Variants in PGM5 observed in about 807,000 individuals in gnomAD.
The protein encoded by PGM5 is phosphoglucomutase-like protein 5.
A neutral mutation model predicts 59.2 loss-of-function variants in PGM5; 23 were observed. That is an observed-to-expected ratio of 0.39 (90% CI 0.28 to 0.55). PGM5 has a LOEUF of 0.55. Among genes scored for constraint, PGM5 ranks in the 20% least tolerant of loss-of-function variants. The pLI, the probability that PGM5 is intolerant of heterozygous loss-of-function variation, is 0.66. For missense variants in PGM5, 574 were observed against 748.3 expected (o/e 0.77, Z 2.72); for synonymous variants, 214 against 286.0 (o/e 0.75, Z 2.54).
At chr9:68,465,919 G>C (rs1464372433) in intron 7 of PGM5, among the ~76,000 whole-genome samples, 1 of 152,062 alleles carries the variant, frequency 6.6e-6, no homozygotes, top group Non-Finnish European at 1.5e-5. Context: ...AGGGGTGTAT[G>C]CATGTATGTA....
chr9:68,456,376 T>C (rs1823776387), intron 6 of PGM5, among the ~76,000 whole-genome samples: 2 of 151,824 alleles, frequency 1.3e-5, no homozygotes, highest in Admixed American at 6.6e-5. Flanking sequence ...AGTGGCGAGA[T>C]CTTGGCTCAC....
intron 6 of PGM5, among the ~76,000 whole-genome samples, chr9:68,413,688 A>T (rs1217431158): frequency 6.6e-6 from 1 of 152,232 alleles, no homozygotes; most frequent in Non-Finnish European, 1.5e-5. Context: ...CACTGCTAAT[A>T]AAATGTGAAG....
chr9:68,410,765 G>A lies in PGM5; in HGVS notation c.1043+18292G>A, dbSNP rs139126328. Reference sequence around the variant, plus strand: ...ATATAGCCACAAAGATTGGGAACAAGGTTTTTGGGAAGCAATGTGGCTCTC... The same window carrying A: ...ATATAGCCACAAAGATTGGGAACAAAGTTTTTGGGAAGCAATGTGGCTCTC... On this transcript the variant is annotated intron_variant, in intron 6 of 10. Transcript: ENST00000396396. Among the ~76,000 whole-genome samples, 19 of 152,284 alleles carry A rather than the reference G, an allele frequency of 1.2e-4. No individual in the cohort carries two copies. The East Asian group carries it at 3.5e-3, about 28-fold the overall frequency.
intron 6 of PGM5, chr9:68,396,831 G>C (rs1822517968): frequency 6.6e-6 from 1 of 152,124 alleles, no homozygotes; most frequent in Non-Finnish European, 1.5e-5. Flanking sequence ...AAAATTATAG[G>C]AATGTGCCCA....
rs782044068 is a variant in PGM5, at chr9:68,465,088, T to C, written c.1044-5T>C. ...AATTGACTTTTCTCAAATTTCATTTTTCAGAGTGGCCAAATCAATGAAGGT... is the reference window on the plus strand; with the variant it reads ...AATTGACTTTTCTCAAATTTCATTTCTCAGAGTGGCCAAATCAATGAAGGT... On this transcript the variant is annotated splice_polypyrimidine_tract_variant and splice_region_variant and intron_variant, in intron 6 of 10. Coordinates refer to ENST00000396396, the MANE Select transcript of PGM5 (RefSeq NM_021965.4). 9 of 1,572,376 alleles carry C rather than the reference T, an allele frequency of 5.7e-6. No individual in the cohort carries two copies. The East Asian group carries it at 2.0e-4, about 35-fold the overall frequency.
At chr9:68,468,183 A>G (rs557928791) in intron 7 of PGM5, among the ~76,000 whole-genome samples, 8 of 149,640 alleles carry the variant, frequency 5.3e-5, no homozygotes, top group African/African-American at 2.0e-4. Context: ...CCTTCCTCCC[A>G]CCCTACTCCT....
At chr9:68,385,232 C>T (rs556141612) in intron 3 of PGM5, among the ~76,000 whole-genome samples, 1 of 151,210 alleles carries the variant, frequency 6.6e-6, no homozygotes, top group East Asian at 1.9e-4. Context: ...TGTATGTATA[C>T]ATTTTCCCCC....
At position 68,529,788 on chromosome 9, in the gene PGM5, G is replaced by A. The variant is rs572662490; in HGVS notation, c.*132G>A. The A allele has an allele frequency of 1.6e-4, 76 of 479,740 alleles. 1 individual carries two copies. The South Asian group carries it at 1.8e-3, about 12-fold the overall frequency. 29.7% of individuals were successfully genotyped at this position (479,740 alleles called of 1,614,324 possible). A position where few individuals can be genotyped will look rare whatever the true frequency, so the allele number is the denominator to read the frequency against. The stretch of plus-strand genomic sequence containing the variant: ...AAAGATATTTTGCTTTTGGGGGATA[G>A]AGGGTGGGTGGGAAAAGAAAAAAAA... On this transcript the variant is annotated 3_prime_UTR_variant, in exon 11 of 11. Transcript: ENST00000396396.
At chr9:68,360,789 G>C (rs1485863218) in intron 1 of PGM5, among the ~76,000 whole-genome samples, 1 of 152,098 alleles carries the variant, frequency 6.6e-6, no homozygotes. Context: ...TAAATCTTTA[G>C]TACAGATTTC....
intron 10 of PGM5, among the ~76,000 whole-genome samples, chr9:68,518,185 G>A (rs1033963991): frequency 2.6e-5 from 4 of 152,220 alleles, no homozygotes; most frequent in Non-Finnish European, 5.9e-5. Context: ...CTGCTCTAGG[G>A]TGTAAACTTG....
chr9:68,506,045 A>G (rs1554688998), intron 10 of PGM5, among the ~76,000 whole-genome samples: 1 of 152,220 alleles, frequency 6.6e-6, no homozygotes, highest in East Asian at 1.9e-4. Context: ...TGTGCCAGAA[A>G]TTGAGGACAA....
chr9:68,413,268 C>T lies in PGM5; in HGVS notation c.1043+20795C>T, dbSNP rs1188067852. 2.8e-4 allele frequency among the ~76,000 whole-genome samples: 42 copies of T among 152,112 alleles called. 1 individual carries two copies. Among genetic ancestry groups the T allele is most frequent in the Admixed American group, 2.3e-3 (35 of 15,274 alleles). Reference sequence around the variant, plus strand: ...ACATTTCCATTCAGGGCCTCAATTACGAGTGTAACAGTTCTCACCCTAAAT... The same window carrying T: ...ACATTTCCATTCAGGGCCTCAATTATGAGTGTAACAGTTCTCACCCTAAAT... On this transcript the variant is annotated intron_variant, in intron 6 of 10. Coordinates refer to ENST00000396396, the MANE Select transcript of PGM5 (RefSeq NM_021965.4).
At position 68,432,591 on chromosome 9, in the gene PGM5, T is replaced by C. The variant is rs187250359; in HGVS notation, c.1044-32502T>C. Among the ~76,000 whole-genome samples, 76 of 152,210 alleles carry C rather than the reference T, an allele frequency of 5.0e-4. 1 individual carries two copies. The highest frequency in any genetic ancestry group is 1.8e-3 in the African/African-American group (75 of 41,530). On this transcript the variant is annotated intron_variant, in intron 6 of 10. Coordinates refer to ENST00000396396, the MANE Select transcript of PGM5 (RefSeq NM_021965.4). ...ATTTACAGTTTGTCATGAATATCCA[T>C]GTCAGAATATTTAAATGTACCATTT...
At chr9:68,493,380 A>T (rs1296105026) in intron 9 of PGM5, among the ~76,000 whole-genome samples, 2 of 152,214 alleles carry the variant, frequency 1.3e-5, no homozygotes, top group Non-Finnish European at 2.9e-5. Flanking sequence ...TACAAAACAT[A>T]AGATATTGTT....
rs1554687369 is a variant in PGM5, at chr9:68,484,053, T to C, written c.1479+5T>C. The C allele has an allele frequency of 1.9e-6, 3 of 1,611,978 alleles. No homozygotes were observed. The highest frequency in any genetic ancestry group is 2.2e-5 in the East Asian group (1 of 44,862). ...GGCACTGTGACCAAGAAACAGGTAC[T>C]TGCTAGGAAATCACTACAACGGGTT... On this transcript the variant is annotated splice_donor_5th_base_variant and intron_variant, in intron 9 of 10. Transcript: ENST00000396396.
At chr9:68,408,041 A>G (rs1294506172) in intron 6 of PGM5, among the ~76,000 whole-genome samples, 1 of 152,206 alleles carries the variant, frequency 6.6e-6, no homozygotes, top group Non-Finnish European at 1.5e-5. Context: ...TTATCTGCAA[A>G]GCCATTAGTC....
At chr9:68,364,845 C>A (rs1427409550) in intron 1 of PGM5, among the ~76,000 whole-genome samples, 1 of 150,274 alleles carries the variant, frequency 6.7e-6, no homozygotes, top group African/African-American at 2.5e-5. Flanking sequence ...CTCCCAGTTG[C>A]TGGGGTGGTT....
intron 1 of PGM5, among the ~76,000 whole-genome samples, chr9:68,364,791 G>A (rs1554676539): frequency 6.6e-6 from 1 of 151,238 alleles, no homozygotes; most frequent in Admixed American, 6.6e-5. Context: ...CTCTTTTTAT[G>A]GGGAAGTAAA....
intron 7 of PGM5, among the ~76,000 whole-genome samples, chr9:68,474,810 A>T (rs1824077905): frequency 1.3e-5 from 2 of 151,026 alleles, no homozygotes; most frequent in Non-Finnish European, 2.9e-5. Context: ...AAGCTTCAAA[A>T]ATTGTGCTGG....
Sources: allele counts gnomAD v4.1 joint callset (sites outside exome capture counted in the v4.1 genomes callset), GRCh38; gene constraint gnomAD v4.1.1; transcripts MANE v1.5; gene names NCBI Gene and HGNC (gene_info 2026-07-23, HGNC 2026-07-21).